CDKAL1: variants seen among roughly 807,000 people sequenced by gnomAD.
The protein encoded by CDKAL1 is threonylcarbamoyladenosine tRNA methylthiotransferase.
Under a neutral mutation model 68.2 loss-of-function variants are expected in CDKAL1, and 32 were observed. The ratio of observed to expected loss-of-function variants is 0.47; its 90% CI spans 0.35 to 0.63. The LOEUF (loss-of-function observed/expected upper bound fraction) is 0.63. Among genes scored for constraint, CDKAL1 ranks in the 30% least tolerant of loss-of-function variants. CDKAL1 has a pLI of 0.00. For synonymous variants in CDKAL1, 234 were observed against 244.3 expected, an observed-to-expected ratio of 0.96 and a Z score of 0.39; for missense variants, 606 against 696.7, an observed-to-expected ratio of 0.87 and a Z score of 1.47.
chr6:21,109,706 C>A (rs571746203), intron 13 of CDKAL1, among the ~76,000 whole-genome samples: 1 of 152,222 alleles, frequency 6.6e-6, no homozygotes, highest in East Asian at 1.9e-4. Flanking sequence ...ATAAGTAATA[C>A]AACAGCAAAA....
intron 4 of CDKAL1, among the ~76,000 whole-genome samples, chr6:20,604,594 C>G (rs1249933104): frequency 2.0e-5 from 3 of 152,240 alleles, no homozygotes; most frequent in African/African-American, 7.2e-5. Context: ...AATTCCTTCT[C>G]TAGCAAAGAA....
chr6:20,975,561 C>A (rs1470553944), intron 10 of CDKAL1, among the ~76,000 whole-genome samples: 1 of 152,072 alleles, frequency 6.6e-6, no homozygotes, highest in East Asian at 1.9e-4. Context: ...GGCATTTCTT[C>A]TCTAAGGTGT....
intron 5 of CDKAL1, among the ~76,000 whole-genome samples, chr6:20,739,068 C>T (rs1049968123): frequency 1.3e-5 from 2 of 152,018 alleles, no homozygotes; most frequent in African/African-American, 4.8e-5. Flanking sequence ...TTTATTTACT[C>T]TTCTCTGTTT....
At chr6:21,064,940 T>C in intron 11 of CDKAL1, 108 bp from the exon 12 acceptor site, 3 of 694,254 alleles carry the variant, frequency 4.3e-6, no homozygotes, top group Non-Finnish European at 6.6e-6. Context: ...GTGTGCTTTT[T>C]ATAAAAATAA....
chr6:20,601,472 GTT>G (rs781191823), intron 4 of CDKAL1, among the ~76,000 whole-genome samples: 1 of 152,242 alleles, frequency 6.6e-6, no homozygotes, highest in South Asian at 2.1e-4. Context: ...AGTGATTAAA[GTT>G]TTGAATTTAA....
At chr6:20,768,976 A>T (rs1012128668) in intron 7 of CDKAL1, among the ~76,000 whole-genome samples, 3 of 152,028 alleles carry the variant, frequency 2.0e-5, no homozygotes, top group Non-Finnish European at 2.9e-5. Flanking sequence ...ACTCACCTGG[A>T]TTCATTGCCA....
intron 9 of CDKAL1, among the ~76,000 whole-genome samples, chr6:20,862,227 G>A (rs921870764): frequency 2.6e-5 from 4 of 152,184 alleles, no homozygotes; most frequent in African/African-American, 9.6e-5. Context: ...CAGTGGCCAA[G>A]TGGCTTACAG....
chr6:20,634,223 C>G (rs1210347181), intron 4 of CDKAL1, among the ~76,000 whole-genome samples: 1 of 152,154 alleles, frequency 6.6e-6, no homozygotes, highest in East Asian at 1.9e-4. Flanking sequence ...GAACTATTTT[C>G]AGTGTATCAC....
At chr6:20,557,041 C>CAAAAAAAAAAAAAAA (rs199509135) in intron 4 of CDKAL1, among the ~76,000 whole-genome samples, 4 of 121,090 alleles carry the variant, frequency 3.3e-5, no homozygotes, top group Admixed American at 1.9e-4. Flanking sequence ...GTCTCCATCT[C>CAAAAAAAAAAAAAAA]AAAAAAAAAA....
chr6:20,619,791 C>T (rs950482289), intron 4 of CDKAL1, among the ~76,000 whole-genome samples: 1 of 152,122 alleles, frequency 6.6e-6, no homozygotes, highest in South Asian at 2.1e-4. Context: ...TAATGAGGCA[C>T]TTGTTTGTGA....
chr6:20,586,497 G>T (rs145973467), intron 4 of CDKAL1, among the ~76,000 whole-genome samples: 2,985 of 152,222 alleles, frequency 0.02, 90 homozygotes, highest in African/African-American at 0.067. Context: ...AATTAGCCAG[G>T]CTTGGTGGCC....
At chr6:21,151,263 C>T (rs1237447527) in intron 13 of CDKAL1, among the ~76,000 whole-genome samples, 1 of 152,188 alleles carries the variant, frequency 6.6e-6, no homozygotes, top group Non-Finnish European at 1.5e-5. Context: ...AAAAGCCGTA[C>T]TGAACTAAAG....
chr6:21,168,882 C>T (rs1007752093), intron 13 of CDKAL1, among the ~76,000 whole-genome samples: 2 of 152,140 alleles, frequency 1.3e-5, no homozygotes, highest in Non-Finnish European at 2.9e-5. Flanking sequence ...TTCTCCTCTC[C>T]TCTTCTTTAT....
intron 12 of CDKAL1, among the ~76,000 whole-genome samples, chr6:21,073,223 T>A (rs1258443035): frequency 1.3e-5 from 2 of 152,190 alleles, no homozygotes; most frequent in Non-Finnish European, 2.9e-5. Flanking sequence ...TCCATTTACC[T>A]ACTGAAGGAC....
intron 4 of CDKAL1, among the ~76,000 whole-genome samples, chr6:20,643,984 C>T (rs1768313142): frequency 6.6e-6 from 1 of 151,966 alleles, no homozygotes; most frequent in Non-Finnish European, 1.5e-5. Context: ...GCCACCATGC[C>T]TGGCTAATTT....
rs565498713 is a variant in CDKAL1, at chr6:21,023,086, A to G, written c.1055+22714A>G. Among the ~76,000 whole-genome samples, 3 of 152,050 alleles carry G rather than the reference A, an allele frequency of 2.0e-5. No homozygotes were observed. The South Asian group carries it at 6.2e-4, about 32-fold the overall frequency. Reference sequence around the variant, plus strand: ...AAAACATTAGCAGTTTGCTTAATGTAAGTTTTTTTTTTAAGTTTGAAGATA... The same window carrying G: ...AAAACATTAGCAGTTTGCTTAATGTGAGTTTTTTTTTTAAGTTTGAAGATA... On this transcript the variant is annotated intron_variant, in intron 11 of 15. Coordinates refer to ENST00000274695, the MANE Select transcript of CDKAL1 (RefSeq NM_017774.3).
At chr6:20,812,486 A>G (rs2150424786) in intron 8 of CDKAL1, among the ~76,000 whole-genome samples, 1 of 152,342 alleles carries the variant, frequency 6.6e-6, no homozygotes, top group Non-Finnish European at 1.5e-5. Flanking sequence ...AATCATGATA[A>G]TGAACGTTTT....
At chr6:21,177,664 CT>C (rs1206776350) in intron 13 of CDKAL1, among the ~76,000 whole-genome samples, 1,777 of 138,294 alleles carry the variant, frequency 0.013, 29 homozygotes, top group African/African-American at 0.042. Flanking sequence ...TTCCTCTGAT[CT>C]TTTTTTTTTT....
chr6:20,747,131 A>G (rs1700524550), intron 6 of CDKAL1, among the ~76,000 whole-genome samples: 1 of 152,174 alleles, frequency 6.6e-6, no homozygotes, highest in Non-Finnish European at 1.5e-5. Context: ...ACTTAGCATA[A>G]TGTCCTCCAG....
Sources: allele counts gnomAD v4.1 joint callset (sites outside exome capture counted in the v4.1 genomes callset), GRCh38; gene constraint gnomAD v4.1.1; transcripts MANE v1.5; gene names NCBI Gene and HGNC (gene_info 2026-07-23, HGNC 2026-07-21).